Variants in CADM2 observed in about 807,000 individuals in gnomAD.
CADM2 encodes cell adhesion molecule 2, also known as immunoglobulin superfamily member 4D.
Under a neutral mutation model 49.8 loss-of-function variants are expected in CADM2, and 12 were observed. That is an observed-to-expected ratio of 0.24 (90% CI 0.15 to 0.39). The LOEUF (loss-of-function observed/expected upper bound fraction) is 0.39, where lower values mean the gene tolerates loss of function less well. Among genes scored for constraint, CADM2 ranks in the 10% least tolerant of loss-of-function variants. CADM2 has a pLI of 1.00. For synonymous variants in CADM2, 214 were observed against 175.4 expected, an observed-to-expected ratio of 1.22 and a Z score of -1.74; for missense variants, 378 against 492.3, an observed-to-expected ratio of 0.77 and a Z score of 2.20.
At position 86,034,639 on chromosome 3, in the gene CADM2, G is replaced by A. The variant is rs1734944187; in HGVS notation, c.971-30966G>A. ...GATTACATTAAACCTCTATGTTGTA[G>A]AGAGGTAAACTCTTAACTTTTAATT... is the stretch of plus-strand genomic sequence containing the variant. On this transcript the variant is annotated intron_variant, in intron 8 of 9. Transcript: ENST00000383699. 3.3e-5 allele frequency among the ~76,000 whole-genome samples: 5 copies of A among 152,186 alleles called. No individual in the cohort carries two copies. The South Asian group carries it at 1.0e-3, about 32-fold the overall frequency.
chr3:86,023,020 A>G (rs926199460), intron 8 of CADM2, among the ~76,000 whole-genome samples: 3 of 152,092 alleles, frequency 2.0e-5, no homozygotes, highest in African/African-American at 7.2e-5. Flanking sequence ...AAAGAAAATT[A>G]TTTCTCTGGT....
At chr3:85,041,751 T>A (rs2035452209) in intron 1 of CADM2, among the ~76,000 whole-genome samples, 1 of 152,180 alleles carries the variant, frequency 6.6e-6, no homozygotes. Context: ...TTGGGAGGTT[T>A]GTCATCTTTG....
chr3:85,998,150 C>T (rs983446816), intron 8 of CADM2, among the ~76,000 whole-genome samples: 1 of 151,922 alleles, frequency 6.6e-6, no homozygotes, highest in African/African-American at 2.4e-5. Context: ...GCTGGGGTAG[C>T]AGGGTTGGGG....
intron 1 of CADM2, among the ~76,000 whole-genome samples, chr3:85,551,583 T>C (rs934514207): frequency 3.3e-5 from 5 of 152,164 alleles, no homozygotes; most frequent in Non-Finnish European, 7.4e-5. Context: ...TTTTGTCTTT[T>C]CAAAAATCAG....
intron 1 of CADM2, among the ~76,000 whole-genome samples, chr3:85,097,178 T>G (rs2037831905): frequency 1.3e-5 from 2 of 152,122 alleles, no homozygotes; most frequent in South Asian, 4.1e-4. Context: ...GTCTGCGGAG[T>G]GTGATGTTCC....
intron 2 of CADM2, among the ~76,000 whole-genome samples, chr3:85,734,876 T>C (rs972797223): frequency 6.6e-6 from 1 of 151,138 alleles, no homozygotes; most frequent in Non-Finnish European, 1.5e-5. Context: ...TTTCAGGAGA[T>C]TTCTTAAAAC....
chr3:85,795,747 G>C (rs1443437316), intron 2 of CADM2, among the ~76,000 whole-genome samples: 1 of 152,184 alleles, frequency 6.6e-6, no homozygotes, highest in Admixed American at 6.5e-5. Context: ...AAGAGGATAA[G>C]ATATTTAAGA....
intron 2 of CADM2, among the ~76,000 whole-genome samples, chr3:85,789,567 T>C (rs919083878): frequency 1.4e-4 from 21 of 152,290 alleles, no homozygotes; most frequent in Admixed American, 8.5e-4. Flanking sequence ...GAAGATACAT[T>C]TGTAGAGGAA....
At chr3:86,021,733 G>A (rs1200092682) in intron 8 of CADM2, among the ~76,000 whole-genome samples, 1 of 152,174 alleles carries the variant, frequency 6.6e-6, no homozygotes, top group Non-Finnish European at 1.5e-5. Flanking sequence ...TTGCATATAT[G>A]TACCACAAAA....
At chr3:85,127,026 AGTC>A (rs1422203178) in intron 1 of CADM2, among the ~76,000 whole-genome samples, 12 of 152,156 alleles carry the variant, frequency 7.9e-5, no homozygotes. Flanking sequence ...TACATAGGAG[AGTC>A]AGAGAACATT....
intron 1 of CADM2, among the ~76,000 whole-genome samples, chr3:85,452,902 G>C (rs1363884090): frequency 2.0e-5 from 3 of 152,048 alleles, no homozygotes; most frequent in Non-Finnish European, 4.4e-5. Context: ...AGCTCATATA[G>C]ACACATACAA....
At chr3:85,740,120 T>C (rs1209134183) in intron 2 of CADM2, among the ~76,000 whole-genome samples, 1 of 152,184 alleles carries the variant, frequency 6.6e-6, no homozygotes, top group African/African-American at 2.4e-5. Flanking sequence ...TACATAGACA[T>C]TCTAGTTGGA....
At chr3:85,082,598 G>A (rs2037207226) in intron 1 of CADM2, among the ~76,000 whole-genome samples, 1 of 152,100 alleles carries the variant, frequency 6.6e-6, no homozygotes, top group Non-Finnish European at 1.5e-5. Flanking sequence ...TTCTTGACCT[G>A]TGACATAGAA....
At chr3:85,530,193 G>A (rs2061267180) in intron 1 of CADM2, among the ~76,000 whole-genome samples, 1 of 151,926 alleles carries the variant, frequency 6.6e-6, no homozygotes, top group African/African-American at 2.4e-5. Flanking sequence ...TCACACACTT[G>A]CTTGCTCTGA....
At chr3:85,081,528 A>C (rs947849874) in intron 1 of CADM2, among the ~76,000 whole-genome samples, 1 of 152,206 alleles carries the variant, frequency 6.6e-6, no homozygotes, top group East Asian at 1.9e-4. Context: ...CTTTTTCTAC[A>C]CTTTGTGGAT....
chr3:86,053,131 T>G (rs1348131046), intron 8 of CADM2, among the ~76,000 whole-genome samples: 2 of 152,198 alleles, frequency 1.3e-5, no homozygotes, highest in Admixed American at 1.3e-4. Flanking sequence ...TCTTCCAAAA[T>G]TCTTCCTATA....
chr3:85,724,495 A>G (rs2067617422), intron 1 of CADM2, among the ~76,000 whole-genome samples: 2 of 151,902 alleles, frequency 1.3e-5, no homozygotes, highest in African/African-American at 4.8e-5. Context: ...ATACAGCAAG[A>G]TGCTCCCAAA....
At chr3:85,444,035 G>A (rs1431587657) in intron 1 of CADM2, among the ~76,000 whole-genome samples, 1 of 151,948 alleles carries the variant, frequency 6.6e-6, no homozygotes, top group Non-Finnish European at 1.5e-5. Flanking sequence ...CAGTTGCTTG[G>A]CTCCAAAGCC....
At chr3:85,056,613 C>T (rs2036089102) in intron 1 of CADM2, among the ~76,000 whole-genome samples, 1 of 151,946 alleles carries the variant, frequency 6.6e-6, no homozygotes, top group Non-Finnish European at 1.5e-5. Context: ...ATTGTTTGGC[C>T]CTGAGCAACT....
Sources: allele counts gnomAD v4.1 joint callset (sites outside exome capture counted in the v4.1 genomes callset), GRCh38; gene constraint gnomAD v4.1.1; transcripts MANE v1.5; gene names NCBI Gene and HGNC (gene_info 2026-07-23, HGNC 2026-07-21).